EXOSC10: variants seen among roughly 807,000 people sequenced by gnomAD.
EXOSC10 encodes the protein exosome complex component 10.
Under a neutral mutation model 126.6 loss-of-function variants are expected in EXOSC10, and 94 were observed. That is an observed-to-expected ratio of 0.74 (90% CI 0.63 to 0.88). The LOEUF is 0.88. Among genes scored for constraint, EXOSC10 ranks in the 40% least tolerant of loss-of-function variants. The pLI is 0.00. For missense variants in EXOSC10, 1,041 were observed against 1,100.5 expected (o/e 0.95, Z 0.77); for synonymous variants, 395 against 400.8 (o/e 0.99, Z 0.17).
At chr1:11,083,543 C>T (rs1192874940) in intron 9 of EXOSC10, among the ~76,000 whole-genome samples, 4 of 40,930 alleles carry the variant, frequency 9.8e-5, no homozygotes, top group African/African-American at 4.2e-4. Context: ...GCCTGGGCAA[C>T]AAGAGCAAAA....
In EXOSC10 at chr1:11,099,427, G is replaced by A. The variant is rs550516090; in HGVS notation, c.111+294C>T. Among the ~76,000 whole-genome samples, 28 of 152,350 alleles carry A rather than the reference G, an allele frequency of 1.8e-4. 1 individual carries two copies. The highest frequency in any genetic ancestry group is 5.1e-4 in the African/African-American group (21 of 41,578). Reference sequence around the variant, plus strand: ...GTGGCTAGGGCGTGGCGAGCGCGACGTCGCAAGGGCTAGGGACGTCTGGGT... The same window carrying A: ...GTGGCTAGGGCGTGGCGAGCGCGACATCGCAAGGGCTAGGGACGTCTGGGT... On this transcript the variant is annotated intron_variant, in intron 1 of 24. Coordinates refer to ENST00000376936, the MANE Select transcript of EXOSC10 (RefSeq NM_001001998.3).
At chr1:11,078,965 T>C (rs1055160099) in intron 14 of EXOSC10, among the ~76,000 whole-genome samples, 3 of 152,102 alleles carry the variant, frequency 2.0e-5, no homozygotes, top group Non-Finnish European at 4.4e-5. Context: ...ATTATTTCCC[T>C]AGGGTTGTTT....
In EXOSC10 at chr1:11,070,976, G is replaced by T; in HGVS notation, c.2243-3C>A. ...CTCCTTTGCCTGTTCCCGGGCAGCT[G>T]CAAGGGAGAGAACTTGTCTCTGGAG... is the stretch of plus-strand genomic sequence containing the variant. On this transcript the variant is annotated splice_polypyrimidine_tract_variant and splice_region_variant and intron_variant, in intron 20 of 24. Transcript: ENST00000376936. 6.2e-7 allele frequency: 1 copy of T among 1,613,646 alleles called. No homozygotes were observed. The highest frequency in any genetic ancestry group is 1.3e-5 in the African/African-American group (1 of 75,040).
At chr1:11,070,792 G>A (rs1639437981) in intron 21 of EXOSC10, 108 bp downstream of exon 21, 1 of 953,962 alleles carries the variant, frequency 1.0e-6, no homozygotes, top group Admixed American at 2.3e-5. Flanking sequence ...AAGAAGTCAG[G>A]ACTTAATATA....
At chr1:11,086,532 C>T (rs909647902) in intron 9 of EXOSC10, among the ~76,000 whole-genome samples, 4 of 152,066 alleles carry the variant, frequency 2.6e-5, no homozygotes, top group African/African-American at 7.2e-5. Context: ...GTCTTGCTAG[C>T]GGTCTATCAA....
intron 24 of EXOSC10, 25 bp downstream of exon 24, chr1:11,067,983 G>T (rs1334044772): frequency 1.2e-6 from 2 of 1,610,032 alleles, no homozygotes; most frequent in Non-Finnish European, 1.7e-6. Flanking sequence ...GGGCTCCCTG[G>T]GCCACACCGC....
intron 3 of EXOSC10, 21 bp downstream of exon 3, chr1:11,095,737 A>G (rs1641048358): frequency 6.2e-7 from 1 of 1,610,530 alleles, no homozygotes; most frequent in African/African-American, 1.3e-5. Context: ...AACAAAAAAA[A>G]GAGTAAGGGA....
rs115976717 is a variant in EXOSC10, at chr1:11,073,948, T to G, written c.2143A>C (p.Thr715Pro). The G allele has an allele frequency of 1.9e-6, 3 of 1,612,752 alleles. No homozygotes were observed. Among genetic ancestry groups the G allele is most frequent in the African/African-American group, 1.3e-5 (1 of 74,576 alleles). Residue 715 changes from threonine (T) to proline (P), a missense_variant, in exon 19 of 25, where the codon ACC (threonine) becomes CCC (proline). Around this residue, in one of 3 missense-constraint regions of EXOSC10, gnomAD observed 388 missense variants for 415.2 expected, o/e 0.93. Transcript: ENST00000376936. ...AGTCCACTTACTTCATAGATTTTGG[T>G]TGATGGATCGAACTTCGCTGCCTGA... ...VSQAAKFDPS[T>P]KIYEISNRWK... is the part of the protein sequence containing the mutation.
chr1:11,070,265 T>TAAAAAAA (rs35601923), intron 21 of EXOSC10, among the ~76,000 whole-genome samples: 9 of 100,530 alleles, frequency 9.0e-5, no homozygotes, highest in East Asian at 2.8e-4. Flanking sequence ...AAAAGGAAAT[T>TAAAAAAA]AAAAAAAAAA....
chr1:11,072,054 C>T, intron 20 of EXOSC10, 33 bp downstream of exon 20: 1 of 1,568,914 alleles, frequency 6.4e-7, no homozygotes, highest in Non-Finnish European at 8.7e-7. Flanking sequence ...CATTCTTTAA[C>T]AGCCGACTGA....
At chr1:11,083,578 A>G (rs905797703) in intron 9 of EXOSC10, among the ~76,000 whole-genome samples, 28 of 151,368 alleles carry the variant, frequency 1.8e-4, no homozygotes, top group Non-Finnish European at 3.1e-4. Flanking sequence ...AAAAAAAAAA[A>G]AAAAAAATTA....
At chr1:11,097,523 G>A (rs914503095) in intron 2 of EXOSC10, among the ~76,000 whole-genome samples, 17 of 152,116 alleles carry the variant, frequency 1.1e-4, no homozygotes, top group Non-Finnish European at 1.8e-4. Context: ...TCAGGAGATC[G>A]AGACCATCCT....
chr1:11,087,718 A>G (rs1047373630), intron 8 of EXOSC10, 82 bp downstream of exon 8: 84 of 1,466,630 alleles, frequency 5.7e-5, no homozygotes, highest in Non-Finnish European at 7.5e-5. Context: ...AAAAATTACA[A>G]TTAGTATTAA....
intron 9 of EXOSC10, among the ~76,000 whole-genome samples, chr1:11,086,527 G>C (rs528710181): frequency 6.6e-6 from 1 of 151,860 alleles, no homozygotes; most frequent in Non-Finnish European, 1.5e-5. Context: ...TATTAGTCTT[G>C]CTAGCGGTCT....
Position 11,071,338 on chromosome 1 carries a change from G to C in EXOSC10, c.2243-365C>G, listed in dbSNP as rs148442488. ...TGCCAGCAACTCCAGCTTTCCAGCT[G>C]CTCAGGACAAAACCTTCATCCAAGG... On this transcript the variant is annotated intron_variant, in intron 20 of 24. Transcript: ENST00000376936. 63 of 263,622 alleles carry C rather than the reference G, an allele frequency of 2.4e-4. 1 individual carries two copies. In the East Asian group the frequency reaches 4.9e-3, roughly 21 times the overall value. The allele number at this position is 263,622 out of a possible 1,614,324, so 16.3% of individuals were successfully genotyped here.
At chr1:11,069,024 G>A (rs961986848) in intron 22 of EXOSC10, 5 of 376,080 alleles carry the variant, frequency 1.3e-5, no homozygotes, top group East Asian at 1.0e-4. Context: ...TAAGGAACTC[G>A]GGCTCTGAGG....
At chr1:11,066,877 A>T in intron 24 of EXOSC10, 129 bp from the exon 25 acceptor site, 4 of 1,069,448 alleles carry the variant, frequency 3.7e-6, no homozygotes, top group Non-Finnish European at 5.7e-6. Flanking sequence ...GGCCCCAGAG[A>T]ACTCGGCGGC....
chr1:11,096,141 G>T (rs1641071960), intron 2 of EXOSC10, among the ~76,000 whole-genome samples: 1 of 152,016 alleles, frequency 6.6e-6, no homozygotes, highest in South Asian at 2.1e-4. Context: ...ATGCCAACAG[G>T]TCTGGTTAAT....
chr1:11,095,978 C>G (rs1641061323), intron 2 of EXOSC10, 97 bp from the exon 3 acceptor site: 2 of 1,341,542 alleles, frequency 1.5e-6, no homozygotes, highest in African/African-American at 1.5e-5. Context: ...TCAGACTGTT[C>G]CCAACACATC....
Sources: allele counts gnomAD v4.1 joint callset (sites outside exome capture counted in the v4.1 genomes callset), GRCh38; gene constraint gnomAD v4.1.1; regional missense constraint gnomAD v4.1.1; transcripts MANE v1.5; gene names NCBI Gene and HGNC (gene_info 2026-07-23, HGNC 2026-07-21).